Variants in ACLY observed in about 807,000 individuals in gnomAD.
The protein encoded by ACLY is ATP-citrate synthase.
Under a neutral mutation model 133.0 loss-of-function variants are expected in ACLY, and 41 were observed. The observed-to-expected ratio is 0.31, with a 90% CI of 0.24 to 0.40. The LOEUF is 0.40. ACLY is among the 10% of genes least tolerant of loss of function. ACLY has a pLI of 1.00. For synonymous variants in ACLY, 495 were observed against 549.3 expected (o/e 0.90, Z 1.38); for missense variants, 1,046 against 1,453.8 (o/e 0.72, Z 4.56).
rs71228789 is a variant in ACLY at position 41,867,364 on chromosome 17, TAAA to T, written c.*443_*445del. 3.6e-5 allele frequency: 5 copies of T among 138,224 alleles called. No homozygotes were observed. The highest frequency in any genetic ancestry group is 8.0e-5 in the African/African-American group (3 of 37,404). 8.6% of individuals were successfully genotyped at this position (138,224 alleles called of 1,614,324 possible). A position where few individuals can be genotyped will look rare whatever the true frequency, so the allele number is the denominator to read the frequency against. ...TTATATAAGGAAGAAGAAAGGGAAG[TAAA>T]AAAAAAAAAAGAGAGACATTGGGGT... is the stretch of plus-strand genomic sequence containing the variant. On this transcript the variant is annotated 3_prime_UTR_variant, in exon 29 of 29. Coordinates refer to ENST00000352035, the MANE Select transcript of ACLY (RefSeq NM_001096.3).
At chr17:41,880,159 G>A (rs2048877900) in intron 20 of ACLY, among the ~76,000 whole-genome samples, 1 of 152,186 alleles carries the variant, frequency 6.6e-6, no homozygotes, top group Admixed American at 6.5e-5. Context: ...ACTATGTTCA[G>A]GCACTTTTCT....
rs781914788 is a variant in ACLY at position 41,878,190 on chromosome 17, T to C, written c.2400A>G (p.Val800=). The change falls in exon 22 of 29, where the codon GTA becomes GTG. Residue 800 remains valine (V), a synonymous_variant. Transcript: ENST00000352035. The part of the protein sequence containing the change: ...FDELGEIIQS[V]YEDLVANGVI... ...CTCCATTGGCCACGAGATCTTCGTA[T>C]ACAGACCTGGGAGGCAGGAAAAAAA... is the stretch of plus-strand genomic sequence containing the variant. 3.2e-6 allele frequency: 5 copies of C among 1,584,738 alleles called. No homozygotes were observed. The highest frequency in any genetic ancestry group is 1.1e-5 in the South Asian group (1 of 87,012).
At chr17:41,881,912 A>G (rs575704665) in intron 20 of ACLY, among the ~76,000 whole-genome samples, 1 of 152,312 alleles carries the variant, frequency 6.6e-6, no homozygotes, top group Admixed American at 6.5e-5. Flanking sequence ...CACAAAATGG[A>G]TATTATAAGC....
intron 8 of ACLY, among the ~76,000 whole-genome samples, 174 bp from the exon 9 acceptor site, chr17:41,905,832 C>T (rs2049699631): frequency 6.6e-6 from 1 of 152,192 alleles, no homozygotes; most frequent in South Asian, 2.1e-4. Flanking sequence ...GTTAATGGTG[C>T]TACATCAGAC....
At chr17:41,900,791 C>G (rs1555631457) in intron 11 of ACLY, among the ~76,000 whole-genome samples, 1 of 152,016 alleles carries the variant, frequency 6.6e-6, no homozygotes, top group Non-Finnish European at 1.5e-5. Context: ...TGCTGTCTCA[C>G]AGTGATGGCC....
At chr17:41,882,170 C>T (rs375675688) in intron 20 of ACLY, among the ~76,000 whole-genome samples, 7 of 151,782 alleles carry the variant, frequency 4.6e-5, no homozygotes, top group African/African-American at 1.2e-4. Flanking sequence ...AGCTCGAGAC[C>T]AGCCTGACCA....
intron 23 of ACLY, among the ~76,000 whole-genome samples, chr17:41,872,922 C>T (rs1555625377): frequency 2.0e-5 from 3 of 152,124 alleles, no homozygotes; most frequent in African/African-American, 7.2e-5. Flanking sequence ...GTGAACTTTT[C>T]CCAGGAAGGG....
intron 1 of ACLY, among the ~76,000 whole-genome samples, chr17:41,924,640 G>A (rs2050220983): frequency 6.6e-6 from 1 of 152,128 alleles, no homozygotes; most frequent in Non-Finnish European, 1.5e-5. Context: ...AGAGCTAAGG[G>A]CCTGTGTGTC....
At chr17:41,874,002 G>C in intron 22 of ACLY, 37 bp from the exon 23 acceptor site, 2 of 1,553,448 alleles carry the variant, frequency 1.3e-6, no homozygotes, top group Non-Finnish European at 1.8e-6. Flanking sequence ...CAGGGCCCTG[G>C]TGACCACCAC....
At chr17:41,878,990 A>G (rs2048834290) in intron 20 of ACLY, 66 bp from the exon 21 acceptor site, 1 of 1,601,254 alleles carries the variant, frequency 6.2e-7, no homozygotes, top group Admixed American at 1.7e-5. Flanking sequence ...TCCCATGTAA[A>G]GTGTGCTAAA....
intron 15 of ACLY, 55 bp from the exon 16 acceptor site, chr17:41,892,502 A>G: frequency 6.5e-7 from 1 of 1,537,536 alleles, no homozygotes; most frequent in Non-Finnish European, 8.9e-7. Context: ...GGACTGGGGA[A>G]GGGGAAGCTG....
At chr17:41,894,965 C>T (rs1184433923) in intron 14 of ACLY, among the ~76,000 whole-genome samples, 1 of 152,186 alleles carries the variant, frequency 6.6e-6, no homozygotes, top group Non-Finnish European at 1.5e-5. Context: ...CACAGCCTTA[C>T]AGCTTCTCAT....
intron 18 of ACLY, among the ~76,000 whole-genome samples, chr17:41,885,618 C>G (rs2049027811): frequency 1.3e-5 from 2 of 152,122 alleles, no homozygotes; most frequent in Admixed American, 6.5e-5. Flanking sequence ...GAACGCAGGC[C>G]CTGGCTCAGA....
At chr17:41,883,386 C>T (rs895992534) in intron 19 of ACLY, among the ~76,000 whole-genome samples, 154 bp from the exon 20 acceptor site, 2 of 152,098 alleles carry the variant, frequency 1.3e-5, no homozygotes, top group Non-Finnish European at 2.9e-5. Context: ...GAACAAACAG[C>T]AGGTCTCCTA....
chr17:41,895,821 TTA>T (rs2049349079), intron 14 of ACLY, among the ~76,000 whole-genome samples: 1 of 152,164 alleles, frequency 6.6e-6, no homozygotes, highest in Non-Finnish European at 1.5e-5. Context: ...TCCCCTCCCC[TTA>T]GCAAGGGGAC....
intron 11 of ACLY, among the ~76,000 whole-genome samples, chr17:41,900,781 T>C (rs1252949548): frequency 6.6e-6 from 1 of 152,116 alleles, no homozygotes; most frequent in South Asian, 2.1e-4. Context: ...TTCTTGTGCC[T>C]GCTGTCTCAC....
At chr17:41,895,540 G>A (rs565127734) in intron 14 of ACLY, among the ~76,000 whole-genome samples, 70 of 152,220 alleles carry the variant, frequency 4.6e-4, no homozygotes, top group African/African-American at 1.6e-3. Flanking sequence ...GGGAGGGCTC[G>A]CTCAGCCATA....
At chr17:41,918,966 C>A, upstream of ACLY, 3 of 1,289,012 alleles carry the variant, frequency 2.3e-6, no homozygotes, top group Non-Finnish European at 3.0e-6. Flanking sequence ...GGTAGCTTCC[C>A]GGGATCCGGC....
At chr17:41,872,518 A>G (rs530147478) in intron 23 of ACLY, among the ~76,000 whole-genome samples, 7 of 152,054 alleles carry the variant, frequency 4.6e-5, no homozygotes, top group African/African-American at 1.7e-4. Context: ...TAGAGACGAG[A>G]TTTTGCTATG....
Sources: allele counts gnomAD v4.1 joint callset (sites outside exome capture counted in the v4.1 genomes callset), GRCh38; gene constraint gnomAD v4.1.1; transcripts MANE v1.5; gene names NCBI Gene and HGNC (gene_info 2026-07-23, HGNC 2026-07-21).